SCRIB: variants seen among roughly 807,000 people sequenced by gnomAD.
The protein encoded by SCRIB is protein scribble homolog.
A neutral mutation model predicts 170.0 loss-of-function variants in SCRIB; 72 were observed. The ratio of observed to expected loss-of-function variants is 0.42; its 90% CI spans 0.35 to 0.52. The LOEUF (loss-of-function observed/expected upper bound fraction) is 0.52. Ranked by LOEUF, SCRIB falls within the 20% of genes least tolerant of loss-of-function variation. The pLI is 0.02. For missense variants in SCRIB, 2,475 were observed against 2,338.5 expected (o/e 1.06, Z -1.20); for synonymous variants, 1,298 against 1,044.3 (o/e 1.24, Z -4.68).
In SCRIB at chr8:143,815,423, G is replaced by GC; in HGVS notation, c.-52dup. On this transcript the variant is annotated 5_prime_UTR_variant, in exon 1 of 37. Coordinates refer to ENST00000356994, the MANE Select transcript of SCRIB (RefSeq NM_182706.5). ...GGCGGCGGCGCTCGGCGGGCTCGGG[G>GC]CCGGGGGGCGGGGCTCAGTCCGCAT... is the stretch of plus-strand genomic sequence containing the variant. The GC allele has an allele frequency of 1.6e-6, 2 of 1,232,938 alleles. No individual in the cohort carries two copies. The highest frequency in any genetic ancestry group is 2.0e-6 in the Non-Finnish European group (2 of 985,210). The allele number at this position is 1,232,938 out of a possible 1,614,324, so 76.4% of individuals were successfully genotyped here. A position where few individuals can be genotyped will look rare whatever the true frequency, so the allele number is the denominator to read the frequency against.
rs139972004 is a variant in SCRIB at position 143,813,713 on chromosome 8, A to G, written c.370T>C (p.Phe124Leu). The change falls in exon 4 of 37, where the codon TTC becomes CTC. Residue 124 changes from phenylalanine to leucine, a missense_variant. Phe to Leu is a conservative substitution (Grantham distance 22). Coordinates refer to ENST00000356994, the MANE Select transcript of SCRIB (RefSeq NM_182706.5). ...TGAGCCAGGCTGCGCAGCTGAGTGA[A>G]GCCATCAGGGAGCCTGGATGGGAGG... ...GNPLSRLPDGFTQLRSLAHLA... is the reference protein window; with the variant it reads ...GNPLSRLPDGLTQLRSLAHLA... 6.2e-7 allele frequency: 1 copy of G among 1,613,560 alleles called. No individual in the cohort carries two copies. Among genetic ancestry groups the G allele is most frequent in the Admixed American group, 1.7e-5 (1 of 60,034 alleles).
chr8:143,815,735 C>T lies in SCRIB; in HGVS notation c.-363G>A. The T allele has an allele frequency of 1.0e-6, 1 of 984,310 alleles. No individual in the cohort carries two copies. Among genetic ancestry groups the T allele is most frequent in the South Asian group, 4.7e-5 (1 of 21,280 alleles). The allele number at this position is 984,310 out of a possible 1,614,324, so 61.0% of individuals were successfully genotyped here. A position where few individuals can be genotyped will look rare whatever the true frequency, so the allele number is the denominator to read the frequency against. ...GCCCGCCGGACTGCCCCGCCGACAC[C>T]CACCCGGCCGCCGCGCAGCCCGTCG... On this transcript the variant is annotated 5_prime_UTR_variant, in exon 1 of 37. Coordinates refer to ENST00000356994, the MANE Select transcript of SCRIB (RefSeq NM_182706.5).
chr8:143,805,242 G>C lies in SCRIB; in HGVS notation c.2540C>G (p.Pro847Arg), dbSNP rs1554636219. ...RERRGGGLRL[P>R]LLPPESPGPL... Reference sequence around the variant, plus strand: ...CCCGGGGCTCTCAGGCGGGAGCAGGGGCAGGCGCAGCCCCCCTCCCCGCCG... The same window carrying C: ...CCCGGGGCTCTCAGGCGGGAGCAGGCGCAGGCGCAGCCCCCCTCCCCGCCG... Residue 847 changes from proline (P) to arginine (R), a missense_variant, in exon 19 of 37, where the codon CCC becomes CGC. By Grantham distance (103) the Pro-to-Arg change is moderately radical (BLOSUM62 -2). This residue lies in a region of SCRIB where 1,966 missense variants were observed against 1,742.9 expected (regional missense o/e 1.13). Transcript: ENST00000356994. The C allele has an allele frequency of 2.6e-6, 4 of 1,537,596 alleles. No individual in the cohort carries two copies. Among genetic ancestry groups the C allele is most frequent in the Non-Finnish European group, 3.5e-6 (4 of 1,146,630 alleles).
In SCRIB at chr8:143,803,449, A is replaced by T. The variant is rs1554635418; in HGVS notation, c.3537T>A (p.Ser1179Arg). The stretch of plus-strand genomic sequence containing the variant: ...CCAGCACGGTGAGGGTGTCGCCCAC[A>T]CTGCGGAGCAGCTGCACCGCCTCGC... ...THGEAVQLLR[S>R]VGDTLTVLVC... Residue 1179 changes from serine (S) to arginine (R), a missense_variant, in exon 24 of 37, where the codon AGT (serine) becomes AGA (arginine). Physicochemically the swap from Ser to Arg is moderately radical, Grantham distance 110 (BLOSUM62 -1). Coordinates refer to ENST00000356994, the MANE Select transcript of SCRIB (RefSeq NM_182706.5). 1 of 1,597,472 alleles carries T rather than the reference A, an allele frequency of 6.3e-7. No homozygotes were observed. Among genetic ancestry groups the T allele is most frequent in the Admixed American group, 1.7e-5 (1 of 59,692 alleles).
chr8:143,814,884 C>T (rs1353475959), intron 1 of SCRIB: 1 of 323,056 alleles, frequency 3.1e-6, no homozygotes, highest in Non-Finnish European at 5.7e-6. Flanking sequence ...CCAGAGCGGC[C>T]CAAGAAGCTA....
rs1554636769 is a variant in SCRIB, at chr8:143,807,007, G to A, written c.2185C>T (p.Leu729Phe). The A allele has an allele frequency of 1.2e-6, 2 of 1,610,636 alleles. No individual in the cohort carries two copies. Among genetic ancestry groups the A allele is most frequent in the East Asian group, 2.2e-5 (1 of 44,722 alleles). The change falls in exon 17 of 37, where the codon CTC becomes TTC. Residue 729 changes from leucine to phenylalanine, a missense_variant. Transcript: ENST00000356994. The stretch of plus-strand genomic sequence containing the variant: ...CCCCCAGTCTGCCGCAGGATAGTGA[G>A]GGTCAGCTGGAAACAGAACAGACAG... ...PARIEEEELT[L>F]TILRQTGGLG...
Position 143,791,065 on chromosome 8 carries a change from C to G in SCRIB, c.*98G>C. 1 of 1,291,532 alleles carries G rather than the reference C, an allele frequency of 7.7e-7. No homozygotes were observed. The highest frequency in any genetic ancestry group is 9.9e-7 in the Non-Finnish European group (1 of 1,010,834). 80.0% of individuals were successfully genotyped at this position (1,291,532 alleles called of 1,614,324 possible). ...ACAGGCCAGAACTCCTGTGGGGTCT[C>G]TTTAAAATGCTAACACCCAGGTTAA... On this transcript the variant is annotated 3_prime_UTR_variant, in exon 37 of 37. Coordinates refer to ENST00000356994, the MANE Select transcript of SCRIB (RefSeq NM_182706.5).
intron 9 of SCRIB, 103 bp from the exon 10 acceptor site, chr8:143,811,448 G>A: frequency 9.6e-7 from 1 of 1,044,848 alleles, no homozygotes; most frequent in Middle Eastern, 2.5e-4. Flanking sequence ...GCCAGCTCCA[G>A]CCAGGGTCCC....
At position 143,810,478 on chromosome 8, in the gene SCRIB, C is replaced by T; in HGVS notation, c.1530+1G>A. The T allele has an allele frequency of 6.2e-7, 1 of 1,607,026 alleles. No individual in the cohort carries two copies. Among genetic ancestry groups the T allele is most frequent in the Non-Finnish European group, 8.5e-7 (1 of 1,179,632 alleles). On this transcript the variant is annotated splice_donor_variant, in intron 13 of 36. Transcript: ENST00000356994. LOFTEE classifies it high-confidence loss of function. ...CCAGGTTGCCGTGGCTCCATGCCCA[C>T]CTCCTCTGCAGGCAAGGGCGACCCA...
At position 143,803,875 on chromosome 8, in the gene SCRIB, G is replaced by C. The variant is rs782669206; in HGVS notation, c.3186C>G (p.Asn1062Lys). 6.3e-7 allele frequency: 1 copy of C among 1,598,258 alleles called. No homozygotes were observed. Among genetic ancestry groups the C allele is most frequent in the Non-Finnish European group, 8.5e-7 (1 of 1,173,500 alleles). Reference sequence around the variant, plus strand: ...GCGTGGCATCCCGCACGTCTTGCCCGTTCACTGCCAGGATGCGGTCCCCAA... The same window carrying C: ...GCGTGGCATCCCGCACGTCTTGCCCCTTCACTGCCAGGATGCGGTCCCCAA... The part of the protein sequence containing the change: ...LRVGDRILAV[N>K]GQDVRDATHQ... The change falls in exon 23 of 37, where the codon AAC becomes AAG. Residue 1062 changes from asparagine (N) to lysine (K), a missense_variant. Around this residue, in one of 3 missense-constraint regions of SCRIB, gnomAD observed 1,966 missense variants for 1,742.9 expected, o/e 1.13. Transcript: ENST00000356994.
At chr8:143,792,901 T>C (rs782321377) in intron 29 of SCRIB, 34 bp from the exon 30 acceptor site, 2 of 1,498,584 alleles carry the variant, frequency 1.3e-6, no homozygotes, top group East Asian at 2.3e-5. Context: ...TTGGCTGGCA[T>C]TCCTCCGAGA....
In SCRIB at chr8:143,805,033, G is replaced by C. The variant is rs1554636096; in HGVS notation, c.2671-19C>G. ...AGATGCCCTGCAGGGGAGGGTGGAG[G>C]AGGCAGGGCTGCCGGTGAGGCTGGA... On this transcript the variant is annotated intron_variant, in intron 19 of 36. Coordinates refer to ENST00000356994, the MANE Select transcript of SCRIB (RefSeq NM_182706.5). 6.3e-7 allele frequency: 1 copy of C among 1,585,038 alleles called. No individual in the cohort carries two copies. Among genetic ancestry groups the C allele is most frequent in the East Asian group, 2.3e-5 (1 of 43,774 alleles).
intron 6 of SCRIB, 54 bp from the exon 7 acceptor site, chr8:143,813,158 C>T: frequency 1.3e-6 from 2 of 1,581,320 alleles, no homozygotes; most frequent in Non-Finnish European, 8.6e-7. Flanking sequence ...TCCTGCTGCG[C>T]CGTGCTCAAG....
intron 27 of SCRIB, 84 bp downstream of exon 27, chr8:143,794,954 G>C: frequency 7.3e-7 from 1 of 1,370,934 alleles, no homozygotes; most frequent in Non-Finnish European, 1.0e-6. Flanking sequence ...GTTCCCTCCC[G>C]GATGGCCCTG....
chr8:143,815,773 CG>C, upstream of SCRIB: 1 of 983,948 alleles, frequency 1.0e-6, no homozygotes, highest in Non-Finnish European at 1.2e-6. Context: ...AAGCCGAGTC[CG>C]GCCCTCGCCG....
At position 143,791,755 on chromosome 8, in the gene SCRIB, G is replaced by GTT; in HGVS notation, c.4696-16_4696-15insAA. 6.3e-7 allele frequency: 1 copy of GTT among 1,588,648 alleles called. No individual in the cohort carries two copies. The highest frequency in any genetic ancestry group is 1.1e-5 in the South Asian group (1 of 90,424). ...CCAGACAAGGGCTTGAAAGGACAGC[G>GTT]TGAGGGGAGAGGCAGAGAGTGAGAG... On this transcript the variant is annotated splice_polypyrimidine_tract_variant and intron_variant, in intron 34 of 36. Transcript: ENST00000356994.
intron 13 of SCRIB, 125 bp from the exon 14 acceptor site, chr8:143,809,843 G>T: frequency 9.1e-7 from 1 of 1,097,510 alleles, no homozygotes; most frequent in South Asian, 1.5e-5. Context: ...ACCGTTAACG[G>T]GCTCACGCCC....
chr8:143,812,975 G>A lies in SCRIB; in HGVS notation c.643-14C>T, dbSNP rs1348273917. ...GTTCCCGAGCTCCTGCAGGTGGGCAGAGAGTCAGAGCGCGGATGGGCACGA... is the reference window on the plus strand; with the variant it reads ...GTTCCCGAGCTCCTGCAGGTGGGCAAAGAGTCAGAGCGCGGATGGGCACGA... On this transcript the variant is annotated splice_polypyrimidine_tract_variant and intron_variant, in intron 7 of 36. Transcript: ENST00000356994. 6.2e-6 allele frequency: 10 copies of A among 1,612,352 alleles called. No individual in the cohort carries two copies. The highest frequency in any genetic ancestry group is 7.6e-6 in the Non-Finnish European group (9 of 1,179,796).
rs1815459894 is a variant in SCRIB at position 143,807,028 on chromosome 8, G to A, written c.2179-15C>T. The A allele has an allele frequency of 6.3e-7, 1 of 1,595,894 alleles. No homozygotes were observed. Among genetic ancestry groups the A allele is most frequent in the African/African-American group, 1.3e-5 (1 of 74,554 alleles). ...GTGAGGGTCAGCTGGAAACAGAACA[G>A]ACAGGGTGTCTAGAAGGGCCGCAGT... On this transcript the variant is annotated splice_polypyrimidine_tract_variant and intron_variant, in intron 16 of 36. Coordinates refer to ENST00000356994, the MANE Select transcript of SCRIB (RefSeq NM_182706.5).
Sources: gnomAD v4.1 joint callset for allele counts on GRCh38, gnomAD v4.1.1 for gene constraint, gnomAD v4.1.1 regional missense constraint, MANE v1.5 for transcripts, NCBI Gene and HGNC (gene_info 2026-07-23, HGNC 2026-07-21) for gene names.